Variants in RBL1 observed in about 807,000 individuals in gnomAD.
The protein encoded by RBL1 is RB transcriptional corepressor like 1.
RBL1 carries 82 observed loss-of-function variants against 123.0 expected under a neutral mutation model. That is an observed-to-expected ratio of 0.67 (90% CI 0.56 to 0.80). RBL1 has a LOEUF of 0.80. RBL1 is among the 30% of genes least tolerant of loss of function. The pLI, the probability that RBL1 is intolerant of heterozygous loss-of-function variation, is 0.00. For missense variants in RBL1, 1,171 were observed against 1,299.6 expected, an observed-to-expected ratio of 0.90 and a Z score of 1.52; for synonymous variants, 405 against 441.3, an observed-to-expected ratio of 0.92 and a Z score of 1.03.
At chr20:37,001,185 G>A (rs1028798436) in intron 21 of RBL1, among the ~76,000 whole-genome samples, 4 of 147,318 alleles carry the variant, frequency 2.7e-5, no homozygotes, top group Non-Finnish European at 4.6e-5. Context: ...GCCTCTGCCC[G>A]GCCGCCCCTG....
intron 14 of RBL1, among the ~76,000 whole-genome samples, chr20:37,037,850 C>T (rs964395332): frequency 3.3e-5 from 5 of 151,918 alleles, no homozygotes; most frequent in African/African-American, 9.7e-5. Context: ...CCATGCTTGC[C>T]TAATTTTTTG....
rs1271780625 is a variant in RBL1, at chr20:37,020,700, T to C, written c.2590A>G (p.Ile864Val). The C allele has an allele frequency of 3.1e-6, 5 of 1,589,484 alleles. No individual in the cohort carries two copies. In the African/African-American group the frequency reaches 6.7e-5, roughly 21 times the overall value. ...GGCTGATTCCTATAACTTTTCATAATTTCTTGAAAAGTTCTTTCTTCTTTT... is the reference window on the plus strand; with the variant it reads ...GGCTGATTCCTATAACTTTTCATAACTTCTTGAAAAGTTCTTTCTTCTTTT... ...VTKEERTFQEIMKSYRNQPQA... is the reference protein window; with the variant it reads ...VTKEERTFQEVMKSYRNQPQA... The change falls in exon 18 of 22, where the codon ATT becomes GTT. Residue 864 changes from isoleucine (I) to valine (V), a missense_variant. Transcript: ENST00000373664.
rs752652230 is a variant in RBL1, at chr20:37,056,176, A to AT, written c.1332dup (p.Ser445IlefsTer4). On this transcript the variant is annotated frameshift_variant, in exon 10 of 22. Coordinates refer to ENST00000373664, the MANE Select transcript of RBL1 (RefSeq NM_002895.5). LOFTEE classifies it high-confidence loss of function. ...TGAGATCCTGGCTGTTCATCTGTTG[A>AT]TTGAGTATAGTGTTGACAGAAAGTC... is the stretch of plus-strand genomic sequence containing the variant. The AT allele has an allele frequency of 6.2e-7, 1 of 1,610,434 alleles. No homozygotes were observed. The highest frequency in any genetic ancestry group is 8.5e-7 in the Non-Finnish European group (1 of 1,179,582).
chr20:37,000,243 C>A (rs1364630963), intron 21 of RBL1, among the ~76,000 whole-genome samples: 118 of 145,814 alleles, frequency 8.1e-4, no homozygotes, highest in African/African-American at 3.0e-3. Context: ...AAGTGAGGAG[C>A]CCCTCCGCCC....
chr20:37,018,990 C>A (rs999155467), intron 18 of RBL1, among the ~76,000 whole-genome samples: 3 of 152,032 alleles, frequency 2.0e-5, no homozygotes, highest in Admixed American at 2.0e-4. Context: ...AACAAAAGAC[C>A]TGAATTAATT....
At chr20:36,999,164 T>C (rs1326078737) in intron 21 of RBL1, among the ~76,000 whole-genome samples, 1 of 152,034 alleles carries the variant, frequency 6.6e-6, no homozygotes, top group Non-Finnish European at 1.5e-5. Flanking sequence ...ACCAGCACTT[T>C]GGGAGGCCAA....
chr20:37,045,149 C>A (rs2146268062), intron 12 of RBL1, among the ~76,000 whole-genome samples: 1 of 151,766 alleles, frequency 6.6e-6, no homozygotes, highest in Non-Finnish European at 1.5e-5. Context: ...CTCTGTCACC[C>A]AGGCTGGAGT....
At chr20:37,056,341 C>CCTTCTT in intron 9 of RBL1, 83 bp from the exon 10 acceptor site, 3 of 1,338,372 alleles carry the variant, frequency 2.2e-6, no homozygotes, top group Non-Finnish European at 2.9e-6. Flanking sequence ...TACTAACATG[C>CCTTCTT]CTTCTTCTTC....
chr20:37,063,770 C>A (rs932380881), intron 7 of RBL1, among the ~76,000 whole-genome samples: 2 of 151,678 alleles, frequency 1.3e-5, no homozygotes, highest in African/African-American at 2.4e-5. Flanking sequence ...CCTCGGCCCC[C>A]CAAAGTGTTG....
intron 18 of RBL1, 58 bp downstream of exon 18, chr20:37,020,601 T>C (rs2064326437): frequency 8.6e-7 from 1 of 1,158,898 alleles, no homozygotes; most frequent in Non-Finnish European, 1.2e-6. Context: ...TTTATATAAC[T>C]TGTCAGTGGA....
intron 20 of RBL1, among the ~76,000 whole-genome samples, chr20:37,006,234 CTT>C (rs1446386927): frequency 1.3e-5 from 2 of 149,770 alleles, no homozygotes; most frequent in Admixed American, 1.3e-4. Flanking sequence ...GAGTTTCCCT[CTT>C]GTCACCCAGG....
intron 13 of RBL1, among the ~76,000 whole-genome samples, chr20:37,043,443 ACTG>A (rs2064766741): frequency 6.6e-6 from 1 of 151,764 alleles, no homozygotes; most frequent in Non-Finnish European, 1.5e-5. Context: ...GTGAGCCGAG[ACTG>A]TGCCACTGCT....
intron 1 of RBL1, among the ~76,000 whole-genome samples, chr20:37,093,636 T>C (rs953220332): frequency 4.0e-5 from 6 of 151,850 alleles, no homozygotes; most frequent in Non-Finnish European, 7.4e-5. Flanking sequence ...CAAGACCCTG[T>C]TTCTTTCCAT....
chr20:37,067,167 C>G (rs758335951), intron 4 of RBL1, 46 bp from the exon 5 acceptor site: 8 of 1,569,666 alleles, frequency 5.1e-6, no homozygotes, highest in Non-Finnish European at 6.0e-6. Flanking sequence ...AACCAGAAAC[C>G]TCTCATGTCA....
intron 16 of RBL1, among the ~76,000 whole-genome samples, chr20:37,028,348 G>A (rs1398587055): frequency 1.3e-5 from 2 of 152,052 alleles, no homozygotes; most frequent in Non-Finnish European, 2.9e-5. Flanking sequence ...TTGGTAGACA[G>A]AGTAAGACTG....
intron 21 of RBL1, among the ~76,000 whole-genome samples, chr20:37,000,791 G>C (rs1406068388): frequency 7.2e-6 from 1 of 138,096 alleles, no homozygotes; most frequent in African/African-American, 2.8e-5. Context: ...CCCCCCGCCC[G>C]GCCAGCCGCC....
chr20:37,002,336 G>GTTTTTTTTTTTTTTTTTTTTTTTTTTTTT (rs965408801), intron 21 of RBL1, among the ~76,000 whole-genome samples: 7 of 76,350 alleles, frequency 9.2e-5, no homozygotes, highest in Admixed American at 5.6e-4. Context: ...AGCCTTATCT[G>GTTTTTTTTTTTTTTTTTTTTTTTTTTTTT]TTTTTTTTTT....
At chr20:37,025,435 G>A (rs991300761) in intron 16 of RBL1, among the ~76,000 whole-genome samples, 1 of 151,970 alleles carries the variant, frequency 6.6e-6, no homozygotes, top group South Asian at 2.1e-4. Context: ...TGAGAGGATC[G>A]CTTGAGCCCG....
chr20:37,006,616 G>A (rs1382174771), intron 20 of RBL1, among the ~76,000 whole-genome samples: 4 of 150,700 alleles, frequency 2.7e-5, no homozygotes, highest in East Asian at 2.0e-4. Context: ...CGAGGTGGGC[G>A]GATCACAAGG....
Sources: gnomAD v4.1 joint callset for allele counts (sites outside exome capture counted in the v4.1 genomes callset) on GRCh38, gnomAD v4.1.1 for gene constraint, MANE v1.5 for transcripts, NCBI Gene and HGNC (gene_info 2026-07-23, HGNC 2026-07-21) for gene names.